GPC5: variants seen among roughly 807,000 people sequenced by gnomAD.
The protein encoded by GPC5 is glypican 5.
A neutral mutation model predicts 53.9 loss-of-function variants in GPC5; 47 were observed. The observed-to-expected ratio is 0.87, with a 90% CI of 0.69 to 1.11. The LOEUF is 1.11. GPC5 is among the 50% of genes most tolerant of loss of function. GPC5 has a pLI of 0.00. For missense variants in GPC5, 748 were observed against 713.1 expected, an observed-to-expected ratio of 1.05 and a Z score of -0.56; for synonymous variants, 286 against 263.3, an observed-to-expected ratio of 1.09 and a Z score of -0.84.
chr13:91,816,460 G>T (rs2038401874), intron 5 of GPC5, among the ~76,000 whole-genome samples: 1 of 152,008 alleles, frequency 6.6e-6, no homozygotes. Context: ...CCTCATTGCT[G>T]GTTCCTATTT....
At chr13:92,715,256 T>C (rs1006926852) in intron 7 of GPC5, among the ~76,000 whole-genome samples, 7 of 152,150 alleles carry the variant, frequency 4.6e-5, no homozygotes, top group African/African-American at 1.7e-4. Flanking sequence ...AGTGTGTGCA[T>C]GTTTCTTGTT....
chr13:91,632,621 C>T (rs892351899), intron 2 of GPC5, among the ~76,000 whole-genome samples: 31 of 151,982 alleles, frequency 2.0e-4, no homozygotes, highest in Admixed American at 1.5e-3. Context: ...AACCTCAAAG[C>T]GAAGTCAGTC....
At chr13:92,784,006 C>A (rs2138765435) in intron 7 of GPC5, among the ~76,000 whole-genome samples, 3 of 152,186 alleles carry the variant, frequency 2.0e-5, no homozygotes, top group Admixed American at 2.0e-4. Context: ...TATCAGATCC[C>A]TAATAGTAGA....
chr13:92,204,909 C>G (rs1006609314), intron 7 of GPC5, among the ~76,000 whole-genome samples: 5 of 152,128 alleles, frequency 3.3e-5, no homozygotes, highest in African/African-American at 1.2e-4. Flanking sequence ...GACAGAGTCT[C>G]GCTCTTTCTC....
In GPC5 at chr13:92,379,405, G is replaced by A. The variant is rs573945626; in HGVS notation, c.1561+234416G>A. Among the ~76,000 whole-genome samples the A allele has an allele frequency of 8.6e-5, 13 of 152,006 alleles. No individual in the cohort carries two copies. The South Asian group carries it at 2.7e-3, about 32-fold the overall frequency. ...TCTGGTCCTGATTCCTCCATTGTTG[G>A]GGCAAAAAGGAGGGATTAGAGAAAA... On this transcript the variant is annotated intron_variant, in intron 7 of 7. Transcript: ENST00000377067.
In GPC5 at chr13:92,004,489, T is replaced by TATATATATATATATATATAA. The variant is rs1440395882; in HGVS notation, c.1401+96433_1401+96434insTATATATATATATATATAAA. Among the ~76,000 whole-genome samples the TATATATATATATATATATAA allele has an allele frequency of 3.2e-3, 391 of 122,610 alleles. 20 individuals are homozygous for TATATATATATATATATATAA. Among genetic ancestry groups the TATATATATATATATATATAA allele is most frequent in the African/African-American group, 0.013 (365 of 28,716 alleles). 80.4% of individuals were successfully genotyped at this position (122,610 alleles called of 152,430 possible). The stretch of plus-strand genomic sequence containing the variant: ...ATATATATATATATATATATATATA[T>TATATATATATATATATATAA]AATTACACTATAGCTTTTCATGCAA... On this transcript the variant is annotated intron_variant, in intron 6 of 7. Coordinates refer to ENST00000377067, the MANE Select transcript of GPC5 (RefSeq NM_004466.6).
intron 7 of GPC5, among the ~76,000 whole-genome samples, chr13:92,727,841 C>T (rs560491889): frequency 1.3e-5 from 2 of 151,394 alleles, no homozygotes; most frequent in Admixed American, 1.3e-4. Context: ...TGTCATTACT[C>T]GATCATATTG....
At chr13:92,419,336 A>AT (rs1329523998) in intron 7 of GPC5, among the ~76,000 whole-genome samples, 1 of 151,938 alleles carries the variant, frequency 6.6e-6, no homozygotes, top group Non-Finnish European at 1.5e-5. Context: ...ATAGCAAGTG[A>AT]TTTTTTTCTT....
Position 92,067,333 on chromosome 13 carries a change from C to T in GPC5, c.1402-77497C>T, listed in dbSNP as rs557294131. Reference sequence around the variant, plus strand: ...GTGTTAATAAGAAAAATAGTAGTTACAAAGATTGCTTAAGAATGCAAGCTG... The same window carrying T: ...GTGTTAATAAGAAAAATAGTAGTTATAAAGATTGCTTAAGAATGCAAGCTG... On this transcript the variant is annotated intron_variant, in intron 6 of 7. Coordinates refer to ENST00000377067, the MANE Select transcript of GPC5 (RefSeq NM_004466.6). Among the ~76,000 whole-genome samples, 6 of 152,052 alleles carry T rather than the reference C, an allele frequency of 3.9e-5. No individual in the cohort carries two copies. In the East Asian group the frequency reaches 7.7e-4, roughly 20 times the overall value.
At chr13:91,714,151 C>T (rs767911860) in intron 3 of GPC5, among the ~76,000 whole-genome samples, 2 of 152,182 alleles carry the variant, frequency 1.3e-5, no homozygotes, top group Non-Finnish European at 2.9e-5. Flanking sequence ...CCTATTCTCT[C>T]ACCAACAACT....
chr13:92,031,619 G>A (rs2040841929), intron 6 of GPC5, among the ~76,000 whole-genome samples: 1 of 138,988 alleles, frequency 7.2e-6, no homozygotes, highest in Non-Finnish European at 1.5e-5. Context: ...GCAAAAATAT[G>A]GAACCAGCCC....
rs866475455 is a variant in GPC5, at chr13:92,008,223, C to G, written c.1401+100166C>G. On this transcript the variant is annotated intron_variant, in intron 6 of 7. Transcript: ENST00000377067. ...GACTACAGGCGCCCGCTACCACGCC[C>G]GGCTAATTTTTTGTATTTTTAGTAG... Among the ~76,000 whole-genome samples the G allele has an allele frequency of 2.6e-5, 4 of 151,974 alleles. No individual in the cohort carries two copies. In the South Asian group the frequency reaches 8.3e-4, roughly 32 times the overall value.
intron 2 of GPC5, among the ~76,000 whole-genome samples, chr13:91,650,232 T>G (rs1433931267): frequency 2.6e-5 from 4 of 152,184 alleles, no homozygotes; most frequent in African/African-American, 7.2e-5. Flanking sequence ...ACTAATATAT[T>G]ACCTAAAAGG....
intron 7 of GPC5, among the ~76,000 whole-genome samples, chr13:92,655,335 TTTTTATTTTA>T (rs746188165): frequency 0.21 from 29,579 of 137,884 alleles, 3,487 homozygotes; most frequent in South Asian, 0.38. Context: ...ATTTATTTTA[TTTTTATTTTA>T]TTTTTTGAGA....
At chr13:91,402,053 G>T (rs562925810) in intron 1 of GPC5, among the ~76,000 whole-genome samples, 4 of 152,226 alleles carry the variant, frequency 2.6e-5, no homozygotes, top group African/African-American at 9.6e-5. Flanking sequence ...TGGGGATGGG[G>T]ATAATGCTTT....
intron 7 of GPC5, among the ~76,000 whole-genome samples, chr13:92,697,998 C>T (rs559968189): frequency 2.0e-4 from 30 of 152,064 alleles, no homozygotes; most frequent in African/African-American, 3.1e-4. Context: ...TGATGGATTA[C>T]GTTTATTGAT....
At chr13:91,784,332 G>A (rs1402427295) in intron 5 of GPC5, among the ~76,000 whole-genome samples, 3 of 152,052 alleles carry the variant, frequency 2.0e-5, no homozygotes, top group Admixed American at 2.0e-4. Flanking sequence ...AAAAAGTCCT[G>A]GGTCTCTGGG....
chr13:91,823,836 A>G (rs78565963), intron 5 of GPC5, among the ~76,000 whole-genome samples: 6,712 of 152,116 alleles, frequency 0.044, 172 homozygotes, highest in Middle Eastern at 0.068. Context: ...TTGCTTCATT[A>G]GTTCTTTCAA....
chr13:91,521,035 T>A (rs16946095), intron 2 of GPC5, among the ~76,000 whole-genome samples: 14,830 of 152,202 alleles, frequency 0.097, 935 homozygotes, highest in South Asian at 0.28. Context: ...TTATTGATAT[T>A]CTTATGGAGG....
Sources: allele counts gnomAD v4.1 joint callset (sites outside exome capture counted in the v4.1 genomes callset), GRCh38; gene constraint gnomAD v4.1.1; transcripts MANE v1.5; gene names NCBI Gene and HGNC (gene_info 2026-07-23, HGNC 2026-07-21).